Variants in DOCK4 observed in about 807,000 individuals in gnomAD.
The protein encoded by DOCK4 is dedicator of cytokinesis protein 4.
In DOCK4, 97 loss-of-function variants were observed where a neutral mutation model predicts 268.1. The observed-to-expected ratio is 0.36, with a 90% confidence interval of 0.31 to 0.43. The LOEUF (loss-of-function observed/expected upper bound fraction) is 0.43, where lower values mean the gene tolerates loss of function less well. Among genes scored for constraint, DOCK4 ranks in the 20% least tolerant of loss-of-function variants. The pLI, the probability that DOCK4 is intolerant of heterozygous loss-of-function variation, is 1.00. For missense variants in DOCK4, 2,145 were observed against 2,455.7 expected (o/e 0.87, Z 2.67); for synonymous variants, 954 against 887.2 (o/e 1.08, Z -1.34).
intron 52 of DOCK4, among the ~76,000 whole-genome samples, chr7:111,731,704 G>A (rs1294340578): frequency 6.6e-6 from 1 of 152,080 alleles, no homozygotes; most frequent in Non-Finnish European, 1.5e-5. Context: ...TGTTTTTCAT[G>A]ATCAAGTATG....
At chr7:111,735,221 G>A in intron 50 of DOCK4, 54 bp from the exon 51 acceptor site, 2 of 1,184,392 alleles carry the variant, frequency 1.7e-6, no homozygotes, top group Non-Finnish European at 2.3e-6. Flanking sequence ...CCCTTCCAAT[G>A]CTTGAGATCT....
chr7:111,878,835 G>C (rs945713611), intron 16 of DOCK4, among the ~76,000 whole-genome samples: 2 of 152,124 alleles, frequency 1.3e-5, no homozygotes, highest in Admixed American at 6.5e-5. Flanking sequence ...TTCTTGGCAA[G>C]CCTTGCTACC....
intron 1 of DOCK4, among the ~76,000 whole-genome samples, chr7:112,045,713 A>T (rs187458470): frequency 4.9e-4 from 75 of 152,334 alleles, no homozygotes; most frequent in African/African-American, 1.8e-3. Flanking sequence ...ACAAGTTAGG[A>T]ATGAATAAAT....
Position 111,915,766 on chromosome 7 carries a change from C to G in DOCK4, c.1192+13G>C. The G allele has an allele frequency of 6.2e-7, 1 of 1,612,022 alleles. No homozygotes were observed. The highest frequency in any genetic ancestry group is 8.5e-7 in the Non-Finnish European group (1 of 1,179,242). ...CCATATTTCATCATATCGGTACGTC[C>G]CAAGTCACCTACCAGGCATAATAAT... On this transcript the variant is annotated intron_variant, in intron 13 of 52. Coordinates refer to ENST00000428084, the MANE Select transcript of DOCK4 (RefSeq NM_001363540.2).
At chr7:111,931,150 T>C (rs554031749) in intron 12 of DOCK4, among the ~76,000 whole-genome samples, 3 of 152,238 alleles carry the variant, frequency 2.0e-5, no homozygotes, top group South Asian at 2.1e-4. Context: ...AGACAGGGCT[T>C]TGTAGCAGAA....
intron 1 of DOCK4, among the ~76,000 whole-genome samples, chr7:112,193,451 T>C (rs1820149399): frequency 6.6e-6 from 1 of 151,578 alleles, no homozygotes; most frequent in African/African-American, 2.4e-5. Context: ...AAAATAAAAA[T>C]AGCCAGGTGT....
At chr7:111,879,869 TAC>T (rs953722106) in intron 16 of DOCK4, among the ~76,000 whole-genome samples, 35 of 152,036 alleles carry the variant, frequency 2.3e-4, no homozygotes, top group African/African-American at 7.7e-4. Context: ...TATTTGAAAA[TAC>T]ACAGTCAGAG....
At chr7:112,103,981 G>A (rs991503235) in intron 1 of DOCK4, among the ~76,000 whole-genome samples, 1 of 152,108 alleles carries the variant, frequency 6.6e-6, no homozygotes, top group African/African-American at 2.4e-5. Flanking sequence ...ACCTGGTCCT[G>A]CATATCCTTT....
At chr7:112,175,698 T>G (rs1249934478) in intron 1 of DOCK4, among the ~76,000 whole-genome samples, 1 of 152,204 alleles carries the variant, frequency 6.6e-6, no homozygotes, top group African/African-American at 2.4e-5. Context: ...AGAATAAAAA[T>G]GTTTTTAAAA....
At chr7:111,998,578 C>T in intron 3 of DOCK4, 75 bp from the exon 4 acceptor site, 1 of 1,111,462 alleles carries the variant, frequency 9.0e-7, no homozygotes, top group Non-Finnish European at 1.3e-6. Context: ...TTGTATAAAA[C>T]ACAGCCATAC....
chr7:111,743,322 G>A (rs1796054583), intron 44 of DOCK4, among the ~76,000 whole-genome samples: 1 of 152,220 alleles, frequency 6.6e-6, no homozygotes, highest in African/African-American at 2.4e-5. Flanking sequence ...TGCAGCTCGT[G>A]AAGATTTTAG....
intron 16 of DOCK4, among the ~76,000 whole-genome samples, chr7:111,889,291 G>A (rs183042986): frequency 1.1e-4 from 16 of 152,232 alleles, no homozygotes; most frequent in African/African-American, 3.9e-4. Flanking sequence ...ACCAAAGCCT[G>A]GGGAAGACAG....
Position 111,728,471 on chromosome 7 carries a change from G to C in DOCK4, c.5731C>G (p.Pro1911Ala), listed in dbSNP as rs368887504. 3.7e-6 allele frequency: 6 copies of C among 1,611,792 alleles called. No homozygotes were observed. Among genetic ancestry groups the C allele is most frequent in the Non-Finnish European group, 5.1e-6 (6 of 1,179,056 alleles). ...PVRKESKTPPPYSVYERTLRR... is the reference protein window; with the variant it reads ...PVRKESKTPPAYSVYERTLRR... ...AGAGTCCGCTCGTAGACGCTGTACG[G>C]GGGCGGAGTCTTGCTCTCCTTGCGC... Residue 1911 changes from proline (P) to alanine (A), a missense_variant, in exon 53 of 53, where the codon CCG becomes GCG. Pro to Ala is a conservative substitution (Grantham distance 27). This residue lies in a region of DOCK4 where 547 missense variants were observed against 469.0 expected (regional missense o/e 1.17). Transcript: ENST00000428084.
At chr7:111,788,419 T>C (rs966037149) in intron 32 of DOCK4, 2 of 476,616 alleles carry the variant, frequency 4.2e-6, no homozygotes, top group South Asian at 7.3e-5. Context: ...AGATTTGTTA[T>C]GTAACATATG....
intron 1 of DOCK4, among the ~76,000 whole-genome samples, chr7:112,077,266 A>T (rs1808154920): frequency 6.6e-6 from 1 of 152,106 alleles, no homozygotes; most frequent in African/African-American, 2.4e-5. Flanking sequence ...TATAAAAGTT[A>T]GCCCAACATC....
At chr7:111,812,194 C>A (rs1801187711) in intron 27 of DOCK4, among the ~76,000 whole-genome samples, 1 of 152,162 alleles carries the variant, frequency 6.6e-6, no homozygotes, top group Non-Finnish European at 1.5e-5. Context: ...ATGGCTCAGA[C>A]AGAAATATAT....
intron 1 of DOCK4, among the ~76,000 whole-genome samples, chr7:112,026,495 C>A (rs1802800998): frequency 6.6e-6 from 1 of 152,216 alleles, no homozygotes; most frequent in African/African-American, 2.4e-5. Flanking sequence ...AGAGGGCCAA[C>A]AAATAACAGC....
intron 16 of DOCK4, among the ~76,000 whole-genome samples, chr7:111,894,462 T>C (rs1425055908): frequency 2.6e-5 from 4 of 151,992 alleles, no homozygotes; most frequent in South Asian, 4.1e-4. Context: ...ATGAGAACAA[T>C]GGTAAGAGAT....
intron 25 of DOCK4, among the ~76,000 whole-genome samples, chr7:111,836,640 G>A (rs1253283965): frequency 6.6e-6 from 1 of 152,106 alleles, no homozygotes; most frequent in African/African-American, 2.4e-5. Flanking sequence ...TTTTCAGGAA[G>A]CTAGAGGAAA....
Sources: gnomAD v4.1 joint callset for allele counts (sites outside exome capture counted in the v4.1 genomes callset) on GRCh38, gnomAD v4.1.1 for gene constraint, gnomAD v4.1.1 regional missense constraint, MANE v1.5 for transcripts, NCBI Gene and HGNC (gene_info 2026-07-23, HGNC 2026-07-21) for gene names.